ZBED4: variants seen among roughly 807,000 people sequenced by gnomAD.
ZBED4 encodes the protein zinc finger BED domain-containing protein 4.
ZBED4 carries 4 observed loss-of-function variants against 15.5 expected under a neutral mutation model. The ratio of observed to expected loss-of-function variants is 0.26; its 90% CI spans 0.13 to 0.59. The LOEUF (loss-of-function observed/expected upper bound fraction) is 0.59, where lower values mean the gene tolerates loss of function less well. ZBED4 is among the 20% of genes least tolerant of loss of function. The probability of loss-of-function intolerance (pLI) is 0.90; values close to 1 mark genes in which losing one functional copy is unlikely to be tolerated. For synonymous variants in ZBED4, 692 were observed against 608.5 expected, an observed-to-expected ratio of 1.14 and a Z score of -2.02; for missense variants, 1,323 against 1,461.8, an observed-to-expected ratio of 0.91 and a Z score of 1.55.
rs1178570916 is a variant in ZBED4, at chr22:49,888,009, C to T, written c.*831C>T. ...ATCTCCACGCTCTGAAGCTGTCTTT[C>T]AAAATGTGTGCACTGACCCCCTTGT... is the stretch of plus-strand genomic sequence containing the variant. On this transcript the variant is annotated 3_prime_UTR_variant, in exon 2 of 2. Transcript: ENST00000216268. 1.2e-5 allele frequency: 2 copies of T among 167,248 alleles called. No homozygotes were observed. Among genetic ancestry groups the T allele is most frequent in the African/African-American group, 4.8e-5 (2 of 41,454 alleles). 10.4% of individuals were successfully genotyped at this position (167,248 alleles called of 1,614,324 possible). A position where few individuals can be genotyped will look rare whatever the true frequency, so the allele number is the denominator to read the frequency against.
rs368061670 is a variant in ZBED4 at position 49,885,551 on chromosome 22, C to T, written c.1889C>T (p.Pro630Leu). ...CCCTCCTCTCCGGACACCCGGGTGC[C>T]GCGGGGCACAGAATTATCAGGCGCT... ...ARPSSPDTRV[P>L]RGTELSGASS... The change falls in exon 2 of 2, where the codon CCG becomes CTG. Residue 630 changes from proline to leucine, a missense_variant. Transcript: ENST00000216268. The T allele has an allele frequency of 1.1e-4, 169 of 1,604,878 alleles. No homozygotes were observed. Among genetic ancestry groups the T allele is most frequent in the South Asian group, 1.5e-4 (14 of 90,962 alleles).
rs962976501 is a variant in ZBED4 at position 49,864,947 on chromosome 22, C to G, written c.-330+10958C>G. Among the ~76,000 whole-genome samples the G allele has an allele frequency of 7.6e-5, 7 of 91,786 alleles. 2 individuals are homozygous for G. The highest frequency in any genetic ancestry group is 1.5e-4 in the African/African-American group (2 of 13,170). 60.2% of individuals were successfully genotyped at this position (91,786 alleles called of 152,430 possible). On this transcript the variant is annotated intron_variant, in intron 1 of 1. Coordinates refer to ENST00000216268, the MANE Select transcript of ZBED4 (RefSeq NM_014838.3). ...GTTCTATCCCAGCAAGCCCCCCCCCCCCCCCGTGAAGTCAGAAACCACGGA... is the reference window on the plus strand; with the variant it reads ...GTTCTATCCCAGCAAGCCCCCCCCCGCCCCCGTGAAGTCAGAAACCACGGA...
At chr22:49,861,597 T>C (rs542621339) in intron 1 of ZBED4, among the ~76,000 whole-genome samples, 4 of 152,228 alleles carry the variant, frequency 2.6e-5, no homozygotes, top group African/African-American at 7.2e-5. Context: ...CCATGCCAGC[T>C]GATTTTTTTC....
chr22:49,881,343 G>A (rs1192036137), intron 1 of ZBED4, among the ~76,000 whole-genome samples: 2 of 152,226 alleles, frequency 1.3e-5, no homozygotes, highest in Admixed American at 6.5e-5. Context: ...AGAGTGATCC[G>A]TCTCAAAAAA....
At chr22:49,882,198 C>T (rs1400583834) in intron 1 of ZBED4, among the ~76,000 whole-genome samples, 2 of 152,220 alleles carry the variant, frequency 1.3e-5, no homozygotes, top group East Asian at 3.8e-4. Context: ...TGCCCATTTG[C>T]CACTCCCTGT....
chr22:49,874,001 T>C (rs906304581), intron 1 of ZBED4, among the ~76,000 whole-genome samples: 3 of 152,258 alleles, frequency 2.0e-5, no homozygotes, highest in African/African-American at 7.2e-5. Context: ...AGAATGAGCT[T>C]GAGTCCTGTG....
At chr22:49,872,997 A>T (rs1837783389) in intron 1 of ZBED4, among the ~76,000 whole-genome samples, 2 of 152,048 alleles carry the variant, frequency 1.3e-5, no homozygotes, top group South Asian at 4.1e-4. Context: ...CGCCCAGCCA[A>T]TGTTTTAATT....
chr22:49,885,309 T>C lies in ZBED4; in HGVS notation c.1647T>C (p.Asn549=), dbSNP rs1337905957. 1 of 1,593,016 alleles carries C rather than the reference T, an allele frequency of 6.3e-7. No individual in the cohort carries two copies. Among genetic ancestry groups the C allele is most frequent in the Non-Finnish European group, 8.6e-7 (1 of 1,168,482 alleles). ...TGCCAACAGTGGTCACAAAAAACAATCAAGTTATGTTTCCTGTTAATAGCA... is the reference window on the plus strand; with the variant it reads ...TGCCAACAGTGGTCACAAAAAACAACCAAGTTATGTTTCCTGTTAATAGCA... ...TDLPTVVTKN[N]QVMFPVNSKK... Residue 549 remains asparagine, a synonymous_variant, in exon 2 of 2, where the codon AAT becomes AAC. Coordinates refer to ENST00000216268, the MANE Select transcript of ZBED4 (RefSeq NM_014838.3).
intron 1 of ZBED4, among the ~76,000 whole-genome samples, chr22:49,857,596 A>AGTTTGTTT (rs371731040): frequency 2.6e-5 from 4 of 151,764 alleles, no homozygotes; most frequent in Non-Finnish European, 5.9e-5. Context: ...TCCCCTTCTC[A>AGTTTGTTT]GTTTGTTTGT....
Position 49,886,977 on chromosome 22 carries a change from C to T in ZBED4, c.3315C>T (p.Asn1105=). 1 of 1,614,082 alleles carries T rather than the reference C, an allele frequency of 6.2e-7. No individual in the cohort carries two copies. The highest frequency in any genetic ancestry group is 1.1e-5 in the South Asian group (1 of 91,064). ...EHSCDPLTYW[N]LKKASWPGLS... Reference sequence around the variant, plus strand: ...GCTGTGACCCGCTCACCTACTGGAACCTGAAGAAGGCGTCCTGGCCGGGGC... The same window carrying T: ...GCTGTGACCCGCTCACCTACTGGAATCTGAAGAAGGCGTCCTGGCCGGGGC... The change falls in exon 2 of 2, where the codon AAC becomes AAT. Residue 1105 remains asparagine, a synonymous_variant. Coordinates refer to ENST00000216268, the MANE Select transcript of ZBED4 (RefSeq NM_014838.3). This position sits in a 1 kb window ranked among gnomAD's most constrained non-coding sequence, Gnocchi z 7.7.
At position 49,884,502 on chromosome 22, in the gene ZBED4, C is replaced by T. The variant is rs1391860674; in HGVS notation, c.840C>T (p.Ser280=). 1.9e-6 allele frequency: 3 copies of T among 1,614,204 alleles called. No individual in the cohort carries two copies. Among genetic ancestry groups the T allele is most frequent in the Admixed American group, 1.7e-5 (1 of 60,034 alleles). The part of the protein sequence containing the change: ...LAEKSLPLPK[S]TSGSRRRSAV... ...AGAAGAGCCTTCCACTTCCAAAGAG[C>T]ACCTCTGGGTCCAGGAGAAGGTCCG... The change falls in exon 2 of 2, where the codon AGC becomes AGT. Residue 280 remains serine, a synonymous_variant. Coordinates refer to ENST00000216268, the MANE Select transcript of ZBED4 (RefSeq NM_014838.3).
chr22:49,872,178 T>C (rs1490606745), intron 1 of ZBED4, among the ~76,000 whole-genome samples: 3 of 152,242 alleles, frequency 2.0e-5, no homozygotes, highest in Non-Finnish European at 4.4e-5. Flanking sequence ...AACCCTGCTG[T>C]TGTTTTATCA....
At chr22:49,861,518 C>T (rs776535227) in intron 1 of ZBED4, among the ~76,000 whole-genome samples, 7 of 151,758 alleles carry the variant, frequency 4.6e-5, no homozygotes, top group African/African-American at 9.7e-5. Flanking sequence ...ACCGCAGCCT[C>T]GACCTCACGG....
At chr22:49,870,387 T>C (rs2060340971) in intron 1 of ZBED4, among the ~76,000 whole-genome samples, 1 of 152,210 alleles carries the variant, frequency 6.6e-6, no homozygotes, top group South Asian at 2.1e-4. Flanking sequence ...TTTTAGTTCT[T>C]TGAGAAGACT....
At chr22:49,863,280 C>G (rs1025009307) in intron 1 of ZBED4, among the ~76,000 whole-genome samples, 2 of 152,202 alleles carry the variant, frequency 1.3e-5, no homozygotes, top group African/African-American at 4.8e-5. Flanking sequence ...CCACCTCAGC[C>G]TCCCTAATAA....
chr22:49,853,546 G>C (rs1378575302), upstream of ZBED4, among the ~76,000 whole-genome samples: 1 of 152,164 alleles, frequency 6.6e-6, no homozygotes, highest in African/African-American at 2.4e-5. Flanking sequence ...AGGCGCCCGC[G>C]CCCCGCCCAG....
At position 49,884,730 on chromosome 22, in the gene ZBED4, C is replaced by T; in HGVS notation, c.1068C>T (p.Pro356=). Residue 356 remains proline, a synonymous_variant, in exon 2 of 2, where the codon CCC becomes CCT. Coordinates refer to ENST00000216268, the MANE Select transcript of ZBED4 (RefSeq NM_014838.3). ...TCCCGCCACTGTACTCCACCCCTCC[C>T]ACTCTGCTGCCTTCCTTGCTGCCGC... ...TGIPPLYSTP[P]TLLPSLLPPE... 1 of 1,593,686 alleles carries T rather than the reference C, an allele frequency of 6.3e-7. No homozygotes were observed. The highest frequency in any genetic ancestry group is 8.6e-7 in the Non-Finnish European group (1 of 1,168,064).
In ZBED4 at chr22:49,867,144, C is replaced by T. The variant is rs1001877966; in HGVS notation, c.-330+13155C>T. Among the ~76,000 whole-genome samples the T allele has an allele frequency of 7.2e-5, 11 of 152,276 alleles. No individual in the cohort carries two copies. In the East Asian group the frequency reaches 1.2e-3, roughly 16 times the overall value. ...TGAAAACACTTTCCAGTTTACCTCACGGTTTGTTTTTCACCCGTGAGTTAT... is the reference window on the plus strand; with the variant it reads ...TGAAAACACTTTCCAGTTTACCTCATGGTTTGTTTTTCACCCGTGAGTTAT... On this transcript the variant is annotated intron_variant, in intron 1 of 1. Transcript: ENST00000216268.
intron 1 of ZBED4, among the ~76,000 whole-genome samples, chr22:49,882,640 T>G (rs1569163789): frequency 6.6e-6 from 1 of 152,176 alleles, no homozygotes. Flanking sequence ...CTCCTGTCTT[T>G]GTAACGCCAT....
Sources: allele counts gnomAD v4.1 joint callset (sites outside exome capture counted in the v4.1 genomes callset), GRCh38; gene constraint gnomAD v4.1.1; non-coding constraint Gnocchi (gnomAD v3.1); transcripts MANE v1.5; gene names NCBI Gene and HGNC (gene_info 2026-07-23, HGNC 2026-07-21).